The following NIPBL variants were observed in gnomAD, a reference collection of about 807,000 sequenced individuals.
NIPBL encodes NIPBL cohesin loading factor.
In NIPBL, 19 loss-of-function variants were observed where a neutral mutation model predicts 321.8. That is an observed-to-expected ratio of 0.06 (90% CI 0.04 to 0.09). NIPBL has a LOEUF of 0.09. Ranked by LOEUF, NIPBL falls within the 10% of genes least tolerant of loss-of-function variation. NIPBL has a pLI of 1.00. For missense variants in NIPBL, 2,210 were observed against 3,327.0 expected (o/e 0.66, Z 8.26); for synonymous variants, 1,106 against 1,114.1 (o/e 0.99, Z 0.14).
chr5:36,952,053 T>TGTGTGTGTGTGTGTGTGTGCGC (rs778597604), intron 1 of NIPBL, among the ~76,000 whole-genome samples: 124 of 112,180 alleles, frequency 1.1e-3, no homozygotes, highest in African/African-American at 1.7e-3. Context: ...TGTGTGTGTG[T>TGTGTGTGTGTGTGTGTGTGCGC]GCGCGCGCGC....
chr5:36,881,134 TA>T (rs1745471665), intron 1 of NIPBL, among the ~76,000 whole-genome samples: 1 of 152,014 alleles, frequency 6.6e-6, no homozygotes, highest in Admixed American at 6.5e-5. Flanking sequence ...GGTATGAAAA[TA>T]GAGTGGGATT....
At chr5:37,021,541 C>G in intron 27 of NIPBL, among the ~76,000 whole-genome samples, 1 of 151,626 alleles carries the variant, frequency 6.6e-6, no homozygotes, top group South Asian at 2.1e-4. Context: ...AATTAGCTGC[C>G]ATGGTGGCAT....
At chr5:37,033,719 T>C (rs1344614896) in intron 32 of NIPBL, among the ~76,000 whole-genome samples, 3 of 85,198 alleles carry the variant, frequency 3.5e-5, no homozygotes, top group Non-Finnish European at 4.7e-5. Flanking sequence ...TATATATATA[T>C]ATATATATAT....
At chr5:37,017,488 A>G (rs1749123562) in intron 24 of NIPBL, among the ~76,000 whole-genome samples, 1 of 152,054 alleles carries the variant, frequency 6.6e-6, no homozygotes, top group Non-Finnish European at 1.5e-5. Flanking sequence ...CATACACAAT[A>G]AGATTGTTTT....
At chr5:37,022,461 G>T in intron 29 of NIPBL, 71 bp downstream of exon 29, 1 of 1,364,012 alleles carries the variant, frequency 7.3e-7, no homozygotes, top group Non-Finnish European at 9.9e-7. Context: ...TTGTTTTAAA[G>T]TGTTAAGTTA....
intron 33 of NIPBL, among the ~76,000 whole-genome samples, chr5:37,038,006 T>A (rs1444877349): frequency 9.6e-5 from 11 of 115,032 alleles, no homozygotes; most frequent in African/African-American, 3.0e-4. Context: ...TTTTTTTTTT[T>A]AAAGACAGGG....
At chr5:37,049,414 A>G (rs1753295592) in intron 40 of NIPBL, 113 bp downstream of exon 40, 1 of 1,174,244 alleles carries the variant, frequency 8.5e-7, no homozygotes, top group East Asian at 2.3e-5. Flanking sequence ...TCTTCTTTGT[A>G]CTAAACTCTT....
intron 21 of NIPBL, among the ~76,000 whole-genome samples, chr5:37,013,442 C>T (rs1748488297): frequency 6.6e-6 from 1 of 151,916 alleles, no homozygotes; most frequent in African/African-American, 2.4e-5. Context: ...GGGCTCCTCA[C>T]TTCTCAGACG....
chr5:36,880,042 C>T (rs1215574687), intron 1 of NIPBL, among the ~76,000 whole-genome samples: 1 of 151,942 alleles, frequency 6.6e-6, no homozygotes, highest in African/African-American at 2.4e-5. Context: ...AAACAGTCTA[C>T]TTGAGATTCT....
At chr5:36,922,133 C>T (rs1458914617) in intron 1 of NIPBL, among the ~76,000 whole-genome samples, 1 of 152,046 alleles carries the variant, frequency 6.6e-6, no homozygotes. Flanking sequence ...GGCGATCTGC[C>T]CGCCTCAGCC....
At chr5:36,945,756 T>C (rs1321146147) in intron 1 of NIPBL, among the ~76,000 whole-genome samples, 1 of 152,188 alleles carries the variant, frequency 6.6e-6, no homozygotes, top group Non-Finnish European at 1.5e-5. Context: ...TGGGAACTTT[T>C]TGTTTTTGAG....
chr5:36,954,482 G>A (rs1580320764), intron 2 of NIPBL, among the ~76,000 whole-genome samples: 2 of 152,170 alleles, frequency 1.3e-5, no homozygotes, highest in African/African-American at 2.4e-5. Context: ...AGTGCTGTAG[G>A]TGATTGGGTC....
intron 32 of NIPBL, among the ~76,000 whole-genome samples, chr5:37,027,808 G>A (rs1161163418): frequency 5.3e-5 from 8 of 151,592 alleles, no homozygotes; most frequent in African/African-American, 1.9e-4. Flanking sequence ...TGGTAGAGAC[G>A]GGGTTTTACT....
At chr5:37,026,625 G>T (rs974075273) in intron 31 of NIPBL, among the ~76,000 whole-genome samples, 1 of 152,142 alleles carries the variant, frequency 6.6e-6, no homozygotes, top group Non-Finnish European at 1.5e-5. Flanking sequence ...AGATACAATC[G>T]CCCAAGGGTA....
chr5:37,027,212 TTG>T (rs1750382514), intron 31 of NIPBL, 145 bp from the exon 32 acceptor site: 4 of 662,944 alleles, frequency 6.0e-6, no homozygotes, highest in Non-Finnish European at 1.1e-5. Flanking sequence ...TGGTAAATGG[TTG>T]TGTTACTGAA....
rs1401617881 is a variant in NIPBL, at chr5:37,065,800, T to C, written c.*908T>C. ...ACATTTTCAAGAGTACATTTTGATA[T>C]AAAAAGAAACTATAGTTTATTCCTT... On this transcript the variant is annotated 3_prime_UTR_variant, in exon 47 of 47. Coordinates refer to ENST00000282516, the MANE Select transcript of NIPBL (RefSeq NM_133433.4). 1 of 152,626 alleles carries C rather than the reference T, an allele frequency of 6.6e-6. No individual in the cohort carries two copies. The highest frequency in any genetic ancestry group is 1.5e-5 in the Non-Finnish European group (1 of 68,022). 9.5% of individuals were successfully genotyped at this position (152,626 alleles called of 1,614,324 possible). A position where few individuals can be genotyped will look rare whatever the true frequency, so the allele number is the denominator to read the frequency against.
intron 1 of NIPBL, among the ~76,000 whole-genome samples, chr5:36,923,672 C>G (rs1258384252): frequency 2.0e-5 from 3 of 152,082 alleles, no homozygotes; most frequent in Non-Finnish European, 4.4e-5. Flanking sequence ...CAGAAGTAGT[C>G]TTGGTTGACC....
Position 37,053,686 on chromosome 5 carries a change from C to T in NIPBL, c.7263+1120C>T, listed in dbSNP as rs76826254. 8.4e-3 allele frequency among the ~76,000 whole-genome samples: 1,280 copies of T among 152,318 alleles called. 18 individuals carry two copies. Among genetic ancestry groups the T allele is most frequent in the African/African-American group, 0.029 (1,212 of 41,564 alleles). ...ATAATTACAATTTTGACACTTCTGG[C>T]TGTTGCACTAGTTGCATTGGCCAGG... On this transcript the variant is annotated intron_variant, in intron 42 of 46. Transcript: ENST00000282516.
intron 1 of NIPBL, among the ~76,000 whole-genome samples, chr5:36,882,710 A>G (rs72734673): frequency 0.017 from 2,645 of 152,078 alleles, 31 homozygotes; most frequent in Middle Eastern, 0.041. Flanking sequence ...TAAAACCTCT[A>G]TTCTTTACAT....
Sources: allele counts gnomAD v4.1 joint callset (sites outside exome capture counted in the v4.1 genomes callset), GRCh38; gene constraint gnomAD v4.1.1; transcripts MANE v1.5; gene names NCBI Gene and HGNC (gene_info 2026-07-23, HGNC 2026-07-21).